Variants in SLC44A1 observed in about 807,000 individuals in gnomAD.
The protein encoded by SLC44A1 is solute carrier family 44 member 1, also known as choline transporter-like protein 1.
A neutral mutation model predicts 79.3 loss-of-function variants in SLC44A1; 26 were observed. The ratio of observed to expected loss-of-function variants is 0.33; its 90% CI spans 0.24 to 0.46. SLC44A1 has a LOEUF of 0.46. Among genes scored for constraint, SLC44A1 ranks in the 20% least tolerant of loss-of-function variants. The pLI, the probability that SLC44A1 is intolerant of heterozygous loss-of-function variation, is 1.00. For synonymous variants in SLC44A1, 263 were observed against 286.2 expected, an observed-to-expected ratio of 0.92 and a Z score of 0.82; for missense variants, 688 against 798.1, an observed-to-expected ratio of 0.86 and a Z score of 1.66.
intron 4 of SLC44A1, among the ~76,000 whole-genome samples, chr9:105,347,280 T>C (rs1177805173): frequency 1.3e-5 from 2 of 152,086 alleles, no homozygotes; most frequent in Admixed American, 1.3e-4. Context: ...AATGCAAAGC[T>C]ATTCTGTTTA....
At chr9:105,254,176 A>G (rs1829652051) in intron 1 of SLC44A1, among the ~76,000 whole-genome samples, 1 of 152,232 alleles carries the variant, frequency 6.6e-6, no homozygotes, top group Non-Finnish European at 1.5e-5. Context: ...TGATGTCAGC[A>G]AGGACGTAAG....
intron 3 of SLC44A1, among the ~76,000 whole-genome samples, chr9:105,316,039 A>AATTC (rs1831314896): frequency 2.6e-5 from 4 of 152,328 alleles, no homozygotes; most frequent in East Asian, 3.9e-4. Context: ...CGTTTGGTTA[A>AATTC]ATTCATTCAT....
chr9:105,308,802 A>C (rs1227266631), intron 2 of SLC44A1, among the ~76,000 whole-genome samples: 2 of 152,212 alleles, frequency 1.3e-5, no homozygotes, highest in Non-Finnish European at 2.9e-5. Context: ...AGATTGCAAG[A>C]ATAGTTCTTA....
At chr9:105,343,146 A>G (rs1827150879) in intron 4 of SLC44A1, among the ~76,000 whole-genome samples, 1 of 152,144 alleles carries the variant, frequency 6.6e-6, no homozygotes, top group African/African-American at 2.4e-5. Flanking sequence ...TCCCTAACAC[A>G]GTAGTAAAGT....
At chr9:105,323,388 C>T (rs936172834) in intron 3 of SLC44A1, among the ~76,000 whole-genome samples, 1 of 151,924 alleles carries the variant, frequency 6.6e-6, no homozygotes, top group South Asian at 2.1e-4. Flanking sequence ...ACGAGTAGAT[C>T]CAGTAGGCAG....
At chr9:105,311,937 T>C (rs1831191896) in intron 3 of SLC44A1, among the ~76,000 whole-genome samples, 3 of 152,156 alleles carry the variant, frequency 2.0e-5, no homozygotes. Flanking sequence ...GAAAATGCAT[T>C]GGTTTCCTTC....
At chr9:105,374,767 G>A (rs1828224342) in intron 13 of SLC44A1, 32 bp downstream of exon 13, 2 of 1,531,178 alleles carry the variant, frequency 1.3e-6, no homozygotes, top group East Asian at 2.3e-5. Context: ...GCAACATACA[G>A]TAAAATTTTG....
intron 1 of SLC44A1, among the ~76,000 whole-genome samples, chr9:105,249,025 G>A (rs1415256210): frequency 1.3e-5 from 2 of 152,164 alleles, no homozygotes; most frequent in African/African-American, 2.4e-5. Flanking sequence ...TTGTAAGAGG[G>A]ATGGAGGAGA....
chr9:105,424,982 A>AAACT (rs1167286884), intron 15 of SLC44A1, among the ~76,000 whole-genome samples: 3 of 151,900 alleles, frequency 2.0e-5, no homozygotes, highest in Non-Finnish European at 4.4e-5. Flanking sequence ...GAAAGAAAGA[A>AAACT]AACTAACTAC....
intron 15 of SLC44A1, among the ~76,000 whole-genome samples, chr9:105,407,684 A>G (rs188333094): frequency 2.6e-4 from 40 of 152,216 alleles, no homozygotes; most frequent in Admixed American, 2.4e-3. Flanking sequence ...AGCCTGGCCA[A>G]CATGAGGAAG....
downstream of SLC44A1, among the ~76,000 whole-genome samples, chr9:105,398,435 G>A (rs1828914509): frequency 6.6e-6 from 1 of 152,162 alleles, no homozygotes; most frequent in South Asian, 2.1e-4. Context: ...AACCGATCTG[G>A]ACTGTTCTTT....
chr9:105,373,769 C>T (rs766053743), intron 12 of SLC44A1, among the ~76,000 whole-genome samples: 3 of 152,162 alleles, frequency 2.0e-5, no homozygotes, highest in South Asian at 2.1e-4. Flanking sequence ...ATTATGTTAG[C>T]GAAACAGCTA....
chr9:105,361,744 A>G (rs999430795), intron 8 of SLC44A1, among the ~76,000 whole-genome samples: 1 of 152,134 alleles, frequency 6.6e-6, no homozygotes, highest in African/African-American at 2.4e-5. Flanking sequence ...ATTTAACTTT[A>G]TGGCGTTATT....
intron 3 of SLC44A1, among the ~76,000 whole-genome samples, chr9:105,312,017 T>A (rs1200646519): frequency 6.6e-6 from 1 of 152,196 alleles, no homozygotes; most frequent in African/African-American, 2.4e-5. Flanking sequence ...CTATATAGTA[T>A]TTTTACACCT....
chr9:105,397,983 C>G (rs550948767), downstream of SLC44A1, among the ~76,000 whole-genome samples: 27 of 151,992 alleles, frequency 1.8e-4, no homozygotes, highest in Non-Finnish European at 2.1e-4. Context: ...AAAAGAAAAG[C>G]CTCCGCTGGA....
At chr9:105,405,515 T>C (rs1416427878) in intron 15 of SLC44A1, among the ~76,000 whole-genome samples, 1 of 152,182 alleles carries the variant, frequency 6.6e-6, no homozygotes, top group African/African-American at 2.4e-5. Flanking sequence ...AGTAAGAGCA[T>C]TGAGGCATGT....
At chr9:105,328,454 G>A (rs1347260920) in intron 3 of SLC44A1, among the ~76,000 whole-genome samples, 1 of 152,188 alleles carries the variant, frequency 6.6e-6, no homozygotes, top group Non-Finnish European at 1.5e-5. Flanking sequence ...AACATTCCAG[G>A]CAGATAGGCA....
chr9:105,263,537 AT>A (rs1167076279), intron 1 of SLC44A1, among the ~76,000 whole-genome samples: 2,302 of 135,844 alleles, frequency 0.017, 41 homozygotes, highest in African/African-American at 0.052. Flanking sequence ...ACATGTGTGT[AT>A]TTTTTTTTTT....
At chr9:105,340,057 TG>T (rs1239178903) in intron 4 of SLC44A1, among the ~76,000 whole-genome samples, 1 of 152,158 alleles carries the variant, frequency 6.6e-6, no homozygotes, top group African/African-American at 2.4e-5. Context: ...AAAAGGGAGT[TG>T]TGGTTCAATG....
Sources: gnomAD v4.1 joint callset for allele counts (sites outside exome capture counted in the v4.1 genomes callset) on GRCh38, gnomAD v4.1.1 for gene constraint, MANE v1.5 for transcripts, NCBI Gene and HGNC (gene_info 2026-07-23, HGNC 2026-07-21) for gene names.